Variants in INPP4B observed in about 807,000 individuals in gnomAD.
INPP4B encodes the protein inositol polyphosphate-4-phosphatase type II B.
A neutral mutation model predicts 122.5 loss-of-function variants in INPP4B; 55 were observed. The ratio of observed to expected loss-of-function variants is 0.45; its 90% CI spans 0.36 to 0.56. The LOEUF (loss-of-function observed/expected upper bound fraction) is 0.56, where lower values mean the gene tolerates loss of function less well. INPP4B is among the 20% of genes least tolerant of loss of function. The probability of loss-of-function intolerance (pLI) is 0.00; values close to 1 mark genes in which losing one functional copy is unlikely to be tolerated. For missense variants in INPP4B, 1,000 were observed against 1,097.7 expected (o/e 0.91, Z 1.26); for synonymous variants, 403 against 388.7 (o/e 1.04, Z -0.43).
At chr4:142,045,822 T>C (rs1276753450) in intron 25 of INPP4B, among the ~76,000 whole-genome samples, 1 of 152,090 alleles carries the variant, frequency 6.6e-6, no homozygotes, top group Non-Finnish European at 1.5e-5. Context: ...GATACAAAAG[T>C]AAAGGAGATA....
At chr4:142,100,294 C>G (rs747066540) in intron 23 of INPP4B, among the ~76,000 whole-genome samples, 2 of 151,898 alleles carry the variant, frequency 1.3e-5, no homozygotes, top group African/African-American at 2.4e-5. Flanking sequence ...TCTTAAGGGC[C>G]CCTGGAAGTG....
At chr4:142,268,345 A>AAAAAAAAAAAAAAAAAAAAAAG (rs1561687873) in intron 10 of INPP4B, among the ~76,000 whole-genome samples, 1 of 145,676 alleles carries the variant, frequency 6.9e-6, no homozygotes, top group Non-Finnish European at 1.5e-5. Flanking sequence ...AAAAAAAAAA[A>AAAAAAAAAAAAAAAAAAAAAAG]ATGAGGGGTA....
intron 9 of INPP4B, among the ~76,000 whole-genome samples, chr4:142,272,357 G>T (rs912288394): frequency 7.9e-5 from 12 of 151,670 alleles, no homozygotes; most frequent in Admixed American, 7.9e-4. Context: ...AATTAAAAGA[G>T]AAAATTTCTG....
intron 7 of INPP4B, among the ~76,000 whole-genome samples, chr4:142,380,388 C>T (rs1793665448): frequency 6.6e-6 from 1 of 152,116 alleles, no homozygotes; most frequent in Non-Finnish European, 1.5e-5. Context: ...GCAGGCCCCT[C>T]ACTTATCCCT....
chr4:142,209,455 C>G (rs1311928598), intron 12 of INPP4B, among the ~76,000 whole-genome samples: 4 of 151,940 alleles, frequency 2.6e-5, no homozygotes, highest in African/African-American at 4.8e-5. Context: ...GATACTTAGT[C>G]AATTCAGTTT....
At chr4:142,736,588 G>T (rs892996170) in intron 1 of INPP4B, among the ~76,000 whole-genome samples, 2 of 151,988 alleles carry the variant, frequency 1.3e-5, no homozygotes, top group South Asian at 4.2e-4. Flanking sequence ...CTCATAATTT[G>T]GCTCTCTGTT....
intron 2 of INPP4B, among the ~76,000 whole-genome samples, chr4:142,495,023 G>A (rs186038628): frequency 5.5e-4 from 83 of 152,264 alleles, no homozygotes; most frequent in Non-Finnish European, 1.0e-3. Flanking sequence ...TGGAAGGATA[G>A]CTTGGAAAGC....
intron 15 of INPP4B, among the ~76,000 whole-genome samples, chr4:142,178,777 GA>G (rs903431265): frequency 5.3e-5 from 7 of 131,742 alleles, no homozygotes; most frequent in African/African-American, 1.4e-4. Flanking sequence ...AGTGTCCAGA[GA>G]AAAAAAAATC....
chr4:142,670,082 C>G (rs1756768910), intron 2 of INPP4B, among the ~76,000 whole-genome samples: 1 of 152,108 alleles, frequency 6.6e-6, no homozygotes. Context: ...GCTTTGTATA[C>G]ACATACAAAC....
chr4:142,649,360 G>C (rs1814061), intron 2 of INPP4B, among the ~76,000 whole-genome samples: 130,224 of 152,224 alleles, frequency 0.86, 55,766 homozygotes, highest in African/African-American at 0.9. Context: ...CAAAGCTGGA[G>C]AGAGAAAGAC....
At chr4:142,185,487 A>T (rs1440996889) in intron 15 of INPP4B, among the ~76,000 whole-genome samples, 2 of 151,910 alleles carry the variant, frequency 1.3e-5, no homozygotes, top group African/African-American at 4.8e-5. Flanking sequence ...CTGAATGAGA[A>T]ATTAGGCATA....
chr4:142,799,958 C>T (rs1174759968), intron 1 of INPP4B, among the ~76,000 whole-genome samples: 2 of 151,728 alleles, frequency 1.3e-5, no homozygotes, highest in African/African-American at 2.4e-5. Context: ...AAATCTTTGC[C>T]TCTTTTGGAT....
In INPP4B at chr4:142,244,047, G is replaced by A. The variant is rs932829045; in HGVS notation, c.689-6036C>T. Among the ~76,000 whole-genome samples, 12 of 151,880 alleles carry A rather than the reference G, an allele frequency of 7.9e-5. No individual in the cohort carries two copies. The South Asian group carries it at 2.5e-3, about 32-fold the overall frequency. On this transcript the variant is annotated intron_variant, in intron 11 of 25. Coordinates refer to ENST00000262992, the MANE Select transcript of INPP4B (RefSeq NM_001101669.3). The stretch of plus-strand genomic sequence containing the variant: ...ATCTACATTAGGTATTTCTCTTAAT[G>A]CTATCCCTCCCCTAGCCCCCCACCC...
intron 2 of INPP4B, among the ~76,000 whole-genome samples, chr4:142,612,027 T>C (rs909891453): frequency 2.0e-5 from 3 of 152,188 alleles, no homozygotes; most frequent in African/African-American, 7.2e-5. Context: ...TACACAGGTT[T>C]ACATGCATTA....
At chr4:142,442,179 G>A (rs1174202771) in intron 3 of INPP4B, among the ~76,000 whole-genome samples, 1 of 152,082 alleles carries the variant, frequency 6.6e-6, no homozygotes, top group Non-Finnish European at 1.5e-5. Context: ...TTGGGAGGCT[G>A]AGGTGGGTGG....
chr4:142,398,074 A>AT (rs1174306819), intron 7 of INPP4B, among the ~76,000 whole-genome samples: 1 of 151,562 alleles, frequency 6.6e-6, no homozygotes, highest in African/African-American at 2.4e-5. Flanking sequence ...TTTTATGGAG[A>AT]TTAAAAAAAA....
intron 18 of INPP4B, among the ~76,000 whole-genome samples, chr4:142,144,847 A>T (rs971061399): frequency 6.6e-6 from 1 of 152,158 alleles, no homozygotes; most frequent in African/African-American, 2.4e-5. Context: ...GTGAGTAATG[A>T]AAAATTAGGA....
intron 7 of INPP4B, chr4:142,317,294 T>A: frequency 2.7e-6 from 1 of 375,816 alleles, no homozygotes; most frequent in Admixed American, 3.1e-5. Flanking sequence ...AGCCCCTCGA[T>A]CTTATCAGGC....
At chr4:142,630,482 A>G (rs1042988320) in intron 2 of INPP4B, among the ~76,000 whole-genome samples, 11 of 152,104 alleles carry the variant, frequency 7.2e-5, no homozygotes, top group African/African-American at 2.7e-4. Flanking sequence ...TAACATGTAA[A>G]CTGAATAAAC....
Sources: gnomAD v4.1 joint callset for allele counts (sites outside exome capture counted in the v4.1 genomes callset) on GRCh38, gnomAD v4.1.1 for gene constraint, MANE v1.5 for transcripts, NCBI Gene and HGNC (gene_info 2026-07-23, HGNC 2026-07-21) for gene names.